The following DOCK3 variants were observed in gnomAD, a reference collection of about 807,000 sequenced individuals.
DOCK3 encodes dedicator of cytokinesis 3.
Under a neutral mutation model 265.6 loss-of-function variants are expected in DOCK3, and 60 were observed. That is an observed-to-expected ratio of 0.23 (90% CI 0.18 to 0.28). DOCK3 has a LOEUF of 0.28. DOCK3 is among the 10% of genes least tolerant of loss of function. DOCK3 has a pLI of 1.00. For synonymous variants in DOCK3, 881 were observed against 938.0 expected (o/e 0.94, Z 1.11); for missense variants, 1,981 against 2,594.3 (o/e 0.76, Z 5.14).
At chr3:51,342,907 A>G (rs1342323257) in intron 38 of DOCK3, among the ~76,000 whole-genome samples, 1 of 152,086 alleles carries the variant, frequency 6.6e-6, no homozygotes, top group Non-Finnish European at 1.5e-5. Context: ...GTCTATGCTG[A>G]GTAGAGACCA....
intron 4 of DOCK3, among the ~76,000 whole-genome samples, chr3:50,904,733 A>G (rs2049388129): frequency 6.6e-6 from 1 of 151,872 alleles, no homozygotes; most frequent in Non-Finnish European, 1.5e-5. Context: ...TTGCCTGTTC[A>G]CTCTGATGGT....
chr3:50,989,489 C>A (rs764261400), intron 5 of DOCK3, among the ~76,000 whole-genome samples: 1 of 152,156 alleles, frequency 6.6e-6, no homozygotes, highest in Non-Finnish European at 1.5e-5. Flanking sequence ...TACCAACTGA[C>A]CAGTAAGCCT....
At chr3:51,085,438 A>C (rs1302778971) in intron 7 of DOCK3, among the ~76,000 whole-genome samples, 4 of 152,346 alleles carry the variant, frequency 2.6e-5, no homozygotes, top group South Asian at 2.1e-4. Flanking sequence ...AAGTCTCAAC[A>C]AATTTTGAAA....
At chr3:50,690,038 T>G (rs954257413) in intron 1 of DOCK3, among the ~76,000 whole-genome samples, 16 of 152,226 alleles carry the variant, frequency 1.1e-4, no homozygotes, top group African/African-American at 3.6e-4. Context: ...ACGAAACTGT[T>G]GCCAAAGTCA....
intron 1 of DOCK3, among the ~76,000 whole-genome samples, chr3:50,759,855 T>TA (rs55757525): frequency 1.7e-4 from 25 of 144,900 alleles, no homozygotes; most frequent in African/African-American, 6.1e-4. Flanking sequence ...GAGATATTAT[T>TA]AAAAAAAAAA....
chr3:50,698,517 G>GGTTTTTTTTTTTTTTTT (rs2035792982), intron 1 of DOCK3, among the ~76,000 whole-genome samples: 1 of 19,506 alleles, frequency 5.1e-5, no homozygotes, highest in Non-Finnish European at 1.2e-4. Context: ...TATGTTTTTG[G>GGTTTTTTTTTTTTTTTT]TTTTTTTTTT....
intron 1 of DOCK3, among the ~76,000 whole-genome samples, chr3:50,764,654 G>A (rs2040748793): frequency 6.6e-6 from 1 of 152,116 alleles, no homozygotes. Context: ...CAAAATTTAA[G>A]AATTAGCAGC....
At chr3:50,939,466 A>G (rs370704675) in intron 5 of DOCK3, among the ~76,000 whole-genome samples, 75 of 152,258 alleles carry the variant, frequency 4.9e-4, no homozygotes, top group African/African-American at 1.8e-3. Context: ...GTTTGTGACT[A>G]TAGACACAAA....
intron 2 of DOCK3, among the ~76,000 whole-genome samples, chr3:50,789,116 T>C (rs2042338120): frequency 6.6e-6 from 1 of 152,132 alleles, no homozygotes; most frequent in South Asian, 2.1e-4. Context: ...TTGATATAGG[T>C]GTTTAATGCT....
At chr3:51,023,440 CAG>C (rs771232806) in intron 5 of DOCK3, among the ~76,000 whole-genome samples, 8 of 152,060 alleles carry the variant, frequency 5.3e-5, no homozygotes, top group Admixed American at 1.3e-4. Flanking sequence ...TTTTTTGAGA[CAG>C]AGTCTCGCTC....
chr3:51,203,959 A>C (rs1209187629), intron 12 of DOCK3, among the ~76,000 whole-genome samples: 12 of 152,122 alleles, frequency 7.9e-5, no homozygotes, highest in African/African-American at 1.9e-4. Flanking sequence ...ATTGGCTAGC[A>C]ATATGTAGAA....
chr3:50,841,117 TTTC>T (rs1279887537), intron 2 of DOCK3, among the ~76,000 whole-genome samples: 1 of 152,206 alleles, frequency 6.6e-6, no homozygotes, highest in African/African-American at 2.4e-5. Context: ...GCAGTAAAAT[TTTC>T]TTTTTTCTGA....
chr3:50,728,413 G>C (rs2037970996), intron 1 of DOCK3, among the ~76,000 whole-genome samples: 2 of 152,020 alleles, frequency 1.3e-5, no homozygotes, highest in Admixed American at 1.3e-4. Flanking sequence ...AAATAGAATG[G>C]TATGTTAAAC....
At chr3:50,809,274 A>G (rs2043601805) in intron 2 of DOCK3, among the ~76,000 whole-genome samples, 1 of 152,214 alleles carries the variant, frequency 6.6e-6, no homozygotes, top group Non-Finnish European at 1.5e-5. Context: ...AGGCTTGAGT[A>G]GGCTCCTCAA....
chr3:51,260,333 A>G lies in DOCK3; in HGVS notation c.2355+7A>G. 6.2e-7 allele frequency: 1 copy of G among 1,612,360 alleles called. No homozygotes were observed. The highest frequency in any genetic ancestry group is 1.7e-5 in the Admixed American group (1 of 59,892). ...AACACTCCTTTTTACTCAGGTTCGC[A>G]CACTGCAGGGAAGCTTTGATGCTGG... On this transcript the variant is annotated splice_region_variant and intron_variant, in intron 23 of 52. Coordinates refer to ENST00000266037, the MANE Select transcript of DOCK3 (RefSeq NM_004947.5).
chr3:51,096,777 T>C (rs979640864), intron 9 of DOCK3, among the ~76,000 whole-genome samples: 4 of 152,204 alleles, frequency 2.6e-5, no homozygotes, highest in African/African-American at 9.6e-5. Context: ...TCTTCGTGGA[T>C]TTATCTACCT....
intron 3 of DOCK3, among the ~76,000 whole-genome samples, chr3:50,849,358 A>G (rs1575349795): frequency 6.6e-6 from 1 of 151,920 alleles, no homozygotes; most frequent in Non-Finnish European, 1.5e-5. Flanking sequence ...ATATACACAC[A>G]CACACATACA....
At chr3:51,373,050 C>T (rs1453112153) in intron 49 of DOCK3, among the ~76,000 whole-genome samples, 1 of 152,194 alleles carries the variant, frequency 6.6e-6, no homozygotes, top group Non-Finnish European at 1.5e-5. Flanking sequence ...TCACTCAGAC[C>T]AACTGTGGAA....
intron 4 of DOCK3, among the ~76,000 whole-genome samples, chr3:50,909,624 C>T (rs2049750816): frequency 7.5e-6 from 1 of 134,064 alleles, no homozygotes; most frequent in Admixed American, 7.8e-5. Flanking sequence ...TGTCTTTTTT[C>T]TCTGGCTACC....
Sources: allele counts gnomAD v4.1 joint callset (sites outside exome capture counted in the v4.1 genomes callset), GRCh38; gene constraint gnomAD v4.1.1; transcripts MANE v1.5; gene names NCBI Gene and HGNC (gene_info 2026-07-23, HGNC 2026-07-21).